Variants in NDUFS4 observed in about 807,000 individuals in gnomAD.
NDUFS4 encodes NADH:ubiquinone oxidoreductase subunit S4, also known as NADH dehydrogenase [ubiquinone] iron-sulfur protein 4, mitochondrial.
Under a neutral mutation model 24.3 loss-of-function variants are expected in NDUFS4, and 28 were observed. That is an observed-to-expected ratio of 1.15 (90% CI 0.85 to 1.58). NDUFS4 has a LOEUF of 1.58. Among genes scored for constraint, NDUFS4 ranks in the 40% most tolerant of loss-of-function variants. The probability of loss-of-function intolerance (pLI) is 0.00; values close to 1 mark genes in which losing one functional copy is unlikely to be tolerated. For missense variants in NDUFS4, 223 were observed against 207.9 expected (o/e 1.07, Z -0.45); for synonymous variants, 93 against 69.7 (o/e 1.34, Z -1.67).
intron 3 of NDUFS4, among the ~76,000 whole-genome samples, chr5:53,656,363 C>CT (rs1006181103): frequency 6.6e-6 from 1 of 151,796 alleles, no homozygotes; most frequent in African/African-American, 2.4e-5. Flanking sequence ...CAAATAAAGT[C>CT]TAAAAATAAA....
intron 2 of NDUFS4, among the ~76,000 whole-genome samples, chr5:53,605,335 C>T (rs10440615): frequency 0.015 from 2,314 of 152,242 alleles, 76 homozygotes; most frequent in African/African-American, 0.053. Context: ...CTATGAGCAT[C>T]TTTTTTTAAC....
intron 4 of NDUFS4, among the ~76,000 whole-genome samples, chr5:53,678,612 G>A (rs922479261): frequency 6.6e-6 from 1 of 152,202 alleles, no homozygotes; most frequent in Non-Finnish European, 1.5e-5. Flanking sequence ...GAGAGTGCAA[G>A]TATTTTCACT....
At chr5:53,649,106 A>T (rs182991868) in intron 3 of NDUFS4, among the ~76,000 whole-genome samples, 1 of 152,164 alleles carries the variant, frequency 6.6e-6, no homozygotes, top group African/African-American at 2.4e-5. Context: ...TTTTCTTTCT[A>T]TCTTGTGTTT....
intron 4 of NDUFS4, among the ~76,000 whole-genome samples, chr5:53,682,437 G>C (rs1423875802): frequency 2.0e-5 from 3 of 152,018 alleles, no homozygotes; most frequent in Non-Finnish European, 4.4e-5. Flanking sequence ...GCCCCCACCA[G>C]AGATTCTGAT....
chr5:53,673,632 A>T (rs1255059456), intron 4 of NDUFS4, among the ~76,000 whole-genome samples: 1 of 152,198 alleles, frequency 6.6e-6, no homozygotes, highest in Admixed American at 6.5e-5. Context: ...ACTTGAGGAC[A>T]TAACTATTCT....
rs867688873 is a variant in NDUFS4 at position 53,682,581 on chromosome 5, C to G, written c.425-537C>G. On this transcript the variant is annotated intron_variant, in intron 4 of 4. Transcript: ENST00000296684. ...TTTTTGAGTTTAATCAGTAGCCTGT[C>G]CAAGTCCAGGGGATTGAACCAAGTA... Among the ~76,000 whole-genome samples, 14 of 152,106 alleles carry G rather than the reference C, an allele frequency of 9.2e-5. 1 individual carries two copies. Among genetic ancestry groups the G allele is most frequent in the Middle Eastern group, 3.4e-3 (1 of 294 alleles).
At chr5:53,567,426 A>G (rs906786856) in intron 1 of NDUFS4, among the ~76,000 whole-genome samples, 8 of 152,186 alleles carry the variant, frequency 5.3e-5, no homozygotes, top group African/African-American at 1.2e-4. Flanking sequence ...CAAATGCACA[A>G]TTAGTTGTTT....
chr5:53,594,898 G>GTA (rs1051370500), intron 1 of NDUFS4, among the ~76,000 whole-genome samples: 10 of 149,418 alleles, frequency 6.7e-5, no homozygotes, highest in South Asian at 2.1e-4. Context: ...GTGTGTGTGT[G>GTA]TATATGCGTT....
At chr5:53,633,139 A>G (rs145235354) in intron 2 of NDUFS4, among the ~76,000 whole-genome samples, 121 of 152,270 alleles carry the variant, frequency 7.9e-4, no homozygotes, top group African/African-American at 2.7e-3. Context: ...AATGTAACTG[A>G]GTGCTATAAT....
chr5:53,662,796 GTA>G (rs70983371), intron 4 of NDUFS4, among the ~76,000 whole-genome samples: 104,634 of 151,690 alleles, frequency 0.69, 36,589 homozygotes, highest in African/African-American at 0.79. Flanking sequence ...GGTGCTTATA[GTA>G]TATTCTCTGG....
chr5:53,675,405 G>T (rs187277820), intron 4 of NDUFS4, among the ~76,000 whole-genome samples: 1 of 151,860 alleles, frequency 6.6e-6, no homozygotes, highest in Non-Finnish European at 1.5e-5. Flanking sequence ...CTCGTGATCC[G>T]CCCGCCTTGG....
intron 1 of NDUFS4, among the ~76,000 whole-genome samples, chr5:53,574,950 C>G (rs965447582): frequency 3.9e-5 from 6 of 152,092 alleles, no homozygotes; most frequent in African/African-American, 1.4e-4. Flanking sequence ...GTGTTGGCCC[C>G]ACCTTTTCAG....
At chr5:53,615,105 A>T (rs1054044307) in intron 2 of NDUFS4, among the ~76,000 whole-genome samples, 2 of 151,716 alleles carry the variant, frequency 1.3e-5, no homozygotes, top group African/African-American at 2.4e-5. Context: ...TTTACACTCT[A>T]TTTGAATTTG....
At chr5:53,677,826 G>A (rs953498062) in intron 4 of NDUFS4, among the ~76,000 whole-genome samples, 2 of 152,138 alleles carry the variant, frequency 1.3e-5, no homozygotes, top group Non-Finnish European at 2.9e-5. Flanking sequence ...GTGTACAAAT[G>A]GAGAGTAGGA....
At chr5:53,561,913 A>C (rs1748858736) in intron 1 of NDUFS4, among the ~76,000 whole-genome samples, 1 of 152,192 alleles carries the variant, frequency 6.6e-6, no homozygotes, top group African/African-American at 2.4e-5. Context: ...CATAGAATAG[A>C]GTCACTCAAA....
chr5:53,570,976 G>T (rs1018825769), intron 1 of NDUFS4, among the ~76,000 whole-genome samples: 2 of 151,982 alleles, frequency 1.3e-5, no homozygotes, highest in African/African-American at 4.8e-5. Flanking sequence ...GAGCCACGGC[G>T]CCCGGCTGTG....
At chr5:53,650,560 T>G (rs1751987610) in intron 3 of NDUFS4, among the ~76,000 whole-genome samples, 1 of 152,372 alleles carries the variant, frequency 6.6e-6, no homozygotes, top group South Asian at 2.1e-4. Flanking sequence ...TTTGTTCAGA[T>G]TCTTGTCTGT....
intron 2 of NDUFS4, among the ~76,000 whole-genome samples, chr5:53,630,946 TGGA>T (rs368739472): frequency 9.8e-4 from 149 of 152,326 alleles, no homozygotes; most frequent in African/African-American, 3.5e-3. Context: ...TATGATCCTT[TGGA>T]GGAGAAGAGG....
At chr5:53,671,953 C>T (rs903035799) in intron 4 of NDUFS4, among the ~76,000 whole-genome samples, 2 of 152,098 alleles carry the variant, frequency 1.3e-5, no homozygotes, top group Admixed American at 6.6e-5. Context: ...AGGTTTCTTT[C>T]AGGAATAGGA....
Sources: gnomAD v4.1 joint callset for allele counts (sites outside exome capture counted in the v4.1 genomes callset) on GRCh38, gnomAD v4.1.1 for gene constraint, MANE v1.5 for transcripts, NCBI Gene and HGNC (gene_info 2026-07-23, HGNC 2026-07-21) for gene names.